Variants in BRINP1 observed in about 807,000 individuals in gnomAD.
BRINP1 encodes the protein BMP/retinoic acid-inducible neural-specific protein 1.
A neutral mutation model predicts 72.9 loss-of-function variants in BRINP1; 17 were observed. That is an observed-to-expected ratio of 0.23 (90% CI 0.16 to 0.35). BRINP1 has a LOEUF of 0.35. Ranked by LOEUF, BRINP1 falls within the 10% of genes least tolerant of loss-of-function variation. The pLI is 1.00. For missense variants in BRINP1, 850 were observed against 1,001.6 expected, an observed-to-expected ratio of 0.85 and a Z score of 2.04; for synonymous variants, 418 against 378.5, an observed-to-expected ratio of 1.10 and a Z score of -1.21.
At chr9:119,328,661 G>A (rs1267167572) in intron 1 of BRINP1, among the ~76,000 whole-genome samples, 1 of 152,120 alleles carries the variant, frequency 6.6e-6, no homozygotes, top group Admixed American at 6.5e-5. Context: ...TGATAACGGA[G>A]ATAAATCTGT....
Position 119,248,971 on chromosome 9 carries a change from G to C in BRINP1, c.398C>G (p.Ala133Gly), listed in dbSNP as rs768117455. 3 of 1,612,360 alleles carry C rather than the reference G, an allele frequency of 1.9e-6. No individual in the cohort carries two copies. Among genetic ancestry groups the C allele is most frequent in the African/African-American group, 2.7e-5 (2 of 74,912 alleles). The change falls in exon 3 of 8, where the codon GCC (alanine) becomes GGC (glycine). Residue 133 changes from alanine to glycine, a missense_variant. By Grantham distance (60) the Ala-to-Gly change is moderately conservative. Transcript: ENST00000265922. The stretch of plus-strand genomic sequence containing the variant: ...GGCTGCTGACCTACCTCCCAATGTG[G>C]CTGAGATGAGCAGGTGGGTGCCGTA... ...KKYGTHLLIS[A>G]TLGGEEALTM...
At chr9:119,211,168 AT>A (rs1196328940) in intron 6 of BRINP1, among the ~76,000 whole-genome samples, 2 of 44,314 alleles carry the variant, frequency 4.5e-5, no homozygotes, top group Admixed American at 3.2e-4. Context: ...CATTAACTTT[AT>A]TTATTTATTT....
At chr9:119,248,843 T>C (rs1830349418) in intron 3 of BRINP1, 117 bp downstream of exon 3, 5 of 889,834 alleles carry the variant, frequency 5.6e-6, no homozygotes, top group South Asian at 1.8e-5. Flanking sequence ...AATGCTTTTG[T>C]GTGATGTAGA....
At position 119,166,952 on chromosome 9, in the gene BRINP1, G is replaced by T; in HGVS notation, c.*132C>A. On this transcript the variant is annotated 3_prime_UTR_variant, in exon 8 of 8. Coordinates refer to ENST00000265922, the MANE Select transcript of BRINP1 (RefSeq NM_014618.3). The stretch of plus-strand genomic sequence containing the variant: ...AACGTTTTCATTTCCAACAAATGAA[G>T]ATTTTCCTCCTTTTCTTTGAATATT... 9.9e-7 allele frequency: 1 copy of T among 1,015,066 alleles called. No individual in the cohort carries two copies. Among genetic ancestry groups the T allele is most frequent in the East Asian group, 2.5e-5 (1 of 40,786 alleles). The allele number at this position is 1,015,066 out of a possible 1,614,324, so 62.9% of individuals were successfully genotyped here.
chr9:119,291,730 C>T (rs1005981174), intron 2 of BRINP1, among the ~76,000 whole-genome samples: 2 of 152,130 alleles, frequency 1.3e-5, no homozygotes, highest in African/African-American at 4.8e-5. Flanking sequence ...GCAGATGAGA[C>T]GTCTGAGGAT....
chr9:119,307,629 C>T (rs115109027), intron 2 of BRINP1, among the ~76,000 whole-genome samples: 8 of 152,258 alleles, frequency 5.3e-5, no homozygotes, highest in African/African-American at 7.2e-5. Context: ...TTACTCAAAA[C>T]GAAGAGGTAT....
chr9:119,200,163 A>T (rs1484467311), intron 7 of BRINP1, among the ~76,000 whole-genome samples: 1 of 152,222 alleles, frequency 6.6e-6, no homozygotes, highest in African/African-American at 2.4e-5. Context: ...CGGAGAAGCA[A>T]ATAATCTATG....
chr9:119,228,740 G>A (rs187916599), intron 5 of BRINP1, among the ~76,000 whole-genome samples: 52 of 152,130 alleles, frequency 3.4e-4, no homozygotes, highest in Middle Eastern at 3.4e-3. Flanking sequence ...GTGATTGCGC[G>A]TGTTGGTTAT....
At chr9:119,220,101 A>G (rs1830024299) in intron 5 of BRINP1, among the ~76,000 whole-genome samples, 1 of 152,214 alleles carries the variant, frequency 6.6e-6, no homozygotes, top group Non-Finnish European at 1.5e-5. Flanking sequence ...AGGGTGACAC[A>G]AAGCAGAAAT....
intron 1 of BRINP1, among the ~76,000 whole-genome samples, chr9:119,318,458 G>T (rs986564296): frequency 1.3e-5 from 2 of 152,170 alleles, no homozygotes; most frequent in African/African-American, 4.8e-5. Context: ...AGTCTCAGTT[G>T]TCAGGGGCAA....
intron 7 of BRINP1, among the ~76,000 whole-genome samples, chr9:119,193,758 CT>C (rs2118853600): frequency 6.6e-6 from 1 of 152,306 alleles, no homozygotes; most frequent in East Asian, 1.9e-4. Flanking sequence ...AAAACCTACT[CT>C]ATGTATCCAG....
At chr9:119,234,934 C>T (rs935138375) in intron 5 of BRINP1, among the ~76,000 whole-genome samples, 2 of 152,100 alleles carry the variant, frequency 1.3e-5, no homozygotes, top group Admixed American at 1.3e-4. Context: ...ACTTGCCCAT[C>T]TATCCTTTCT....
chr9:119,189,649 A>T (rs1213825595), intron 7 of BRINP1, among the ~76,000 whole-genome samples: 1 of 152,138 alleles, frequency 6.6e-6, no homozygotes, highest in African/African-American at 2.4e-5. Context: ...TGCACCCAAC[A>T]TTGGAGCACT....
chr9:119,238,648 T>C lies in BRINP1; in HGVS notation c.685+7A>G, dbSNP rs1830214904. ...AACTGACCCCACTTTTTCCACTGGC[T>C]TCCTACCTTGAAGGTGCAGTTTGCT... is the stretch of plus-strand genomic sequence containing the variant. On this transcript the variant is annotated splice_region_variant and intron_variant, in intron 5 of 7. Coordinates refer to ENST00000265922, the MANE Select transcript of BRINP1 (RefSeq NM_014618.3). 2 of 1,591,592 alleles carry C rather than the reference T, an allele frequency of 1.3e-6. No individual in the cohort carries two copies. Among genetic ancestry groups the C allele is most frequent in the South Asian group, 2.2e-5 (2 of 89,066 alleles).
intron 7 of BRINP1, among the ~76,000 whole-genome samples, chr9:119,192,934 A>C (rs528077382): frequency 1.3e-5 from 2 of 152,160 alleles, no homozygotes; most frequent in African/African-American, 2.4e-5. Flanking sequence ...TCAACCCCCC[A>C]AAAATACCAA....
At chr9:119,171,096 A>T (rs1829403787) in intron 7 of BRINP1, among the ~76,000 whole-genome samples, 1 of 151,004 alleles carries the variant, frequency 6.6e-6, no homozygotes, top group African/African-American at 2.5e-5. Context: ...TAACCAGCTA[A>T]CATCATAATG....
chr9:119,205,858 C>A (rs1000090128), intron 7 of BRINP1, among the ~76,000 whole-genome samples: 1 of 152,048 alleles, frequency 6.6e-6, no homozygotes, highest in East Asian at 1.9e-4. Flanking sequence ...CATGGTCAAA[C>A]ATGGCCCTCC....
chr9:119,295,423 A>G (rs538064117), intron 2 of BRINP1, among the ~76,000 whole-genome samples: 1 of 152,230 alleles, frequency 6.6e-6, no homozygotes, highest in Non-Finnish European at 1.5e-5. Context: ...CCTAGGCTCT[A>G]TAGCATAGCC....
chr9:119,222,460 A>G (rs1441241770), intron 5 of BRINP1, among the ~76,000 whole-genome samples: 1 of 152,092 alleles, frequency 6.6e-6, no homozygotes, highest in Non-Finnish European at 1.5e-5. Flanking sequence ...CCTAACAGAA[A>G]AAGTTTGCCA....
Sources: gnomAD v4.1 joint callset for allele counts (sites outside exome capture counted in the v4.1 genomes callset) on GRCh38, gnomAD v4.1.1 for gene constraint, MANE v1.5 for transcripts, NCBI Gene and HGNC (gene_info 2026-07-23, HGNC 2026-07-21) for gene names.